Variants in NME7 observed in about 807,000 individuals in gnomAD.
NME7 encodes nucleoside diphosphate kinase 7.
Under a neutral mutation model 49.1 loss-of-function variants are expected in NME7, and 41 were observed. The ratio of observed to expected loss-of-function variants is 0.83; its 90% CI spans 0.65 to 1.08. NME7 has a LOEUF of 1.08. Ranked by LOEUF, NME7 falls within the 50% of genes least tolerant of loss-of-function variation. The probability of loss-of-function intolerance (pLI) is 0.00; values close to 1 mark genes in which losing one functional copy is unlikely to be tolerated. For synonymous variants in NME7, 139 were observed against 150.6 expected, an observed-to-expected ratio of 0.92 and a Z score of 0.56; for missense variants, 423 against 463.4, an observed-to-expected ratio of 0.91 and a Z score of 0.80.
intron 11 of NME7, among the ~76,000 whole-genome samples, chr1:169,134,953 T>C (rs1220977705): frequency 7.5e-6 from 1 of 134,194 alleles, no homozygotes; most frequent in Non-Finnish European, 1.5e-5. Context: ...GGTTGGAGGA[T>C]CACTTGAGCC....
chr1:169,247,100 G>A (rs1025443279), intron 7 of NME7: 3 of 456,020 alleles, frequency 6.6e-6, no homozygotes, highest in Non-Finnish European at 1.3e-5. Context: ...AGGAAGCTAA[G>A]AACAGCTATA....
intron 11 of NME7, among the ~76,000 whole-genome samples, chr1:169,154,109 G>A (rs866479265): frequency 9.2e-5 from 14 of 152,184 alleles, no homozygotes; most frequent in South Asian, 2.1e-4. Context: ...GACCTCCCAG[G>A]CTCAAGCAAT....
chr1:169,147,060 T>C (rs1172511776), intron 11 of NME7, among the ~76,000 whole-genome samples: 1 of 152,176 alleles, frequency 6.6e-6, no homozygotes, highest in East Asian at 1.9e-4. Flanking sequence ...CGTGACCTTC[T>C]CTCATCCCCC....
chr1:169,248,538 C>A (rs539777621), intron 7 of NME7, among the ~76,000 whole-genome samples: 1 of 151,990 alleles, frequency 6.6e-6, no homozygotes, highest in African/African-American at 2.4e-5. Flanking sequence ...GGGTCCTACT[C>A]ACGAATTATT....
intron 10 of NME7, among the ~76,000 whole-genome samples, chr1:169,210,785 C>T (rs1186611735): frequency 1.3e-5 from 2 of 152,026 alleles, no homozygotes; most frequent in Non-Finnish European, 2.9e-5. Context: ...AATATAATAC[C>T]TCTAGAGAAT....
chr1:169,227,060 C>T (rs1181501579), intron 10 of NME7, among the ~76,000 whole-genome samples: 1 of 152,060 alleles, frequency 6.6e-6, no homozygotes, highest in African/African-American at 2.4e-5. Context: ...GCAATAGGAC[C>T]CAGGAGTGAG....
intron 11 of NME7, among the ~76,000 whole-genome samples, chr1:169,139,515 TACTTA>T (rs1658530542): frequency 6.6e-6 from 1 of 152,236 alleles, no homozygotes; most frequent in Non-Finnish European, 1.5e-5. Context: ...TTGAGCAAGT[TACTTA>T]ACTTCTTTGT....
chr1:169,292,971 A>G (rs1337364630), intron 6 of NME7, among the ~76,000 whole-genome samples: 1 of 152,096 alleles, frequency 6.6e-6, no homozygotes, highest in Non-Finnish European at 1.5e-5. Flanking sequence ...CTAGAGATGT[A>G]CAGAATACAA....
intron 7 of NME7, among the ~76,000 whole-genome samples, chr1:169,241,849 T>C (rs1337005323): frequency 6.6e-6 from 1 of 151,868 alleles, no homozygotes; most frequent in African/African-American, 2.4e-5. Flanking sequence ...ACTAGTATTA[T>C]CCTGATATTG....
chr1:169,168,839 T>C (rs1037778398), intron 11 of NME7: 1 of 456,076 alleles, frequency 2.2e-6, no homozygotes, highest in Admixed American at 2.4e-5. Context: ...TTGATATTTC[T>C]AGGCTACAAA....
intron 10 of NME7, among the ~76,000 whole-genome samples, chr1:169,180,864 CAGTT>C (rs370868310): frequency 4.6e-5 from 7 of 152,138 alleles, no homozygotes; most frequent in African/African-American, 1.7e-4. Context: ...TAATACATCT[CAGTT>C]AGAACCAGCC....
intron 11 of NME7, among the ~76,000 whole-genome samples, chr1:169,163,578 C>T (rs1414465678): frequency 2.0e-5 from 3 of 151,980 alleles, no homozygotes; most frequent in Non-Finnish European, 2.9e-5. Flanking sequence ...CTTATTGAGA[C>T]AATTGGTGAA....
intron 1 of NME7, among the ~76,000 whole-genome samples, chr1:169,334,017 C>T (rs911808014): frequency 1.3e-5 from 2 of 152,162 alleles, no homozygotes; most frequent in African/African-American, 2.4e-5. Context: ...TCACAATAGG[C>T]AGCAAAATAT....
chr1:169,202,124 T>C (rs1012218821), intron 10 of NME7, among the ~76,000 whole-genome samples: 23 of 152,190 alleles, frequency 1.5e-4, no homozygotes, highest in Admixed American at 1.2e-3. Context: ...ACATGTATAG[T>C]TCATTTGCTG....
chr1:169,163,056 A>G (rs1659296270), intron 11 of NME7, among the ~76,000 whole-genome samples: 1 of 152,204 alleles, frequency 6.6e-6, no homozygotes, highest in Non-Finnish European at 1.5e-5. Context: ...AGGTAAAGTG[A>G]AAGGCAAAGA....
chr1:169,363,098 G>T (rs935690512), intron 1 of NME7, among the ~76,000 whole-genome samples: 4 of 151,856 alleles, frequency 2.6e-5, no homozygotes, highest in Admixed American at 2.0e-4. Flanking sequence ...AATTAGCTGG[G>T]CATCATGGCA....
intron 7 of NME7, among the ~76,000 whole-genome samples, chr1:169,254,950 C>T (rs553013304): frequency 7.5e-6 from 1 of 132,870 alleles, no homozygotes; most frequent in South Asian, 2.3e-4. Flanking sequence ...AATTTCTGTT[C>T]TTTTACATTT....
chr1:169,312,163 C>A (rs1483252596), intron 3 of NME7, among the ~76,000 whole-genome samples: 1 of 152,206 alleles, frequency 6.6e-6, no homozygotes, highest in Non-Finnish European at 1.5e-5. Context: ...ATTCACACAG[C>A]TGTATTCAGC....
intron 4 of NME7, among the ~76,000 whole-genome samples, chr1:169,304,764 A>C (rs908777913): frequency 1.3e-5 from 2 of 152,196 alleles, no homozygotes; most frequent in African/African-American, 4.8e-5. Flanking sequence ...TTGAACCCAA[A>C]GCTCTCTGAT....
Sources: gnomAD v4.1 joint callset for allele counts (sites outside exome capture counted in the v4.1 genomes callset) on GRCh38, gnomAD v4.1.1 for gene constraint, MANE v1.5 for transcripts, NCBI Gene and HGNC (gene_info 2026-07-23, HGNC 2026-07-21) for gene names.